Variants in XNDC1N observed in about 807,000 individuals in gnomAD.
The protein encoded by XNDC1N is protein XNDC1N.
At chr11:71,909,812 G>A in the XNDC1N span, among the ~76,000 whole-genome samples, 2 of 152,190 alleles carry the variant, frequency 1.3e-5, no homozygotes, top group South Asian at 4.1e-4. Flanking sequence ...TTTTTAGGAA[G>A]GGACTTGCTC....
At chr11:71,891,424 T>C in the XNDC1N span, among the ~76,000 whole-genome samples, 5 of 151,580 alleles carry the variant, frequency 3.3e-5, no homozygotes, top group Non-Finnish European at 7.4e-5. Context: ...AACAAGGTCA[T>C]GGGGATGTGT....
chr11:71,912,174 C>T, the XNDC1N span, among the ~76,000 whole-genome samples: 4 of 152,132 alleles, frequency 2.6e-5, no homozygotes, highest in African/African-American at 9.7e-5. Context: ...CAGCATGATG[C>T]GAGGCAAGGT....
the XNDC1N span, among the ~76,000 whole-genome samples, chr11:71,899,395 C>T: frequency 6.6e-6 from 1 of 151,608 alleles, no homozygotes; most frequent in Non-Finnish European, 1.5e-5. Flanking sequence ...AGATCAGACT[C>T]TTACTGTGTC....
At chr11:71,876,560 T>C in the XNDC1N span, among the ~76,000 whole-genome samples, 1 of 152,176 alleles carries the variant, frequency 6.6e-6, no homozygotes, top group Admixed American at 6.5e-5. Context: ...ATCTCTTAGG[T>C]TGGTGCAAAC....
chr11:71,908,574 G>C, the XNDC1N span, among the ~76,000 whole-genome samples: 1 of 152,102 alleles, frequency 6.6e-6, no homozygotes, highest in African/African-American at 2.4e-5. Context: ...GGTTAGATGA[G>C]GATGGTCACG....
the XNDC1N span, among the ~76,000 whole-genome samples, chr11:71,897,961 T>C: frequency 6.6e-6 from 1 of 152,158 alleles, no homozygotes; most frequent in African/African-American, 2.4e-5. Flanking sequence ...GGTGGGCGGA[T>C]CACCTGAGGT....
chr11:71,909,364 G>C, the XNDC1N span, among the ~76,000 whole-genome samples: 1 of 151,940 alleles, frequency 6.6e-6, no homozygotes, highest in Non-Finnish European at 1.5e-5. Context: ...CCCTGGGAAA[G>C]AAACTCAGCT....
the XNDC1N span, among the ~76,000 whole-genome samples, chr11:71,922,796 T>C: frequency 6.6e-6 from 1 of 151,910 alleles, no homozygotes; most frequent in Admixed American, 6.6e-5. Context: ...TAGGAGTAAA[T>C]AGAGCAGTGA....
the XNDC1N span, among the ~76,000 whole-genome samples, chr11:71,890,442 T>C: frequency 1.3e-5 from 2 of 151,970 alleles, no homozygotes; most frequent in Non-Finnish European, 1.5e-5. Flanking sequence ...TTAGGGACAA[T>C]ATCTCAGGGA....
chr11:71,882,222 A>T, the XNDC1N span, among the ~76,000 whole-genome samples: 1 of 152,124 alleles, frequency 6.6e-6, no homozygotes, highest in Non-Finnish European at 1.5e-5. Flanking sequence ...TTAAAAAAAA[A>T]AAAAGAACAC....
At chr11:71,927,294 G>T in the XNDC1N span, among the ~76,000 whole-genome samples, 1 of 152,174 alleles carries the variant, frequency 6.6e-6, no homozygotes, top group Admixed American at 6.5e-5. Flanking sequence ...AGCACTTTGG[G>T]AGGCCGAGGC....
the XNDC1N span, among the ~76,000 whole-genome samples, chr11:71,869,188 C>T: frequency 4.6e-5 from 7 of 152,048 alleles, no homozygotes; most frequent in Non-Finnish European, 7.4e-5. Context: ...TCTCCTAATG[C>T]TATCCCTCCC....
At chr11:71,889,150 G>C in the XNDC1N span, among the ~76,000 whole-genome samples, 29 of 152,226 alleles carry the variant, frequency 1.9e-4, no homozygotes, top group Non-Finnish European at 3.8e-4. Flanking sequence ...CAGTGAGGGT[G>C]AGACTGTCAA....
chr11:71,895,833 A>G, the XNDC1N span, among the ~76,000 whole-genome samples: 3 of 152,258 alleles, frequency 2.0e-5, no homozygotes, highest in Non-Finnish European at 2.9e-5. Flanking sequence ...TGTGGTATAC[A>G]CACCCAATGA....
chr11:71,887,114 C>A, the XNDC1N span, among the ~76,000 whole-genome samples: 1 of 152,206 alleles, frequency 6.6e-6, no homozygotes, highest in Admixed American at 6.5e-5. Context: ...CCCATTGAGC[C>A]TCTGGTCACA....
chr11:71,918,958 AG>A, the XNDC1N span: 1 of 702,838 alleles, frequency 1.4e-6, no homozygotes. Context: ...TCTTGTCCTG[AG>A]GGCAGCCGAG....
At chr11:71,910,659 C>G in the XNDC1N span, among the ~76,000 whole-genome samples, 1 of 152,102 alleles carries the variant, frequency 6.6e-6, no homozygotes, top group African/African-American at 2.4e-5. Context: ...TCAGATCTGC[C>G]GACAGCAGGT....
At chr11:71,920,601 G>A in the XNDC1N span, among the ~76,000 whole-genome samples, 12 of 152,228 alleles carry the variant, frequency 7.9e-5, no homozygotes, top group South Asian at 4.2e-4. Flanking sequence ...CACCGTGCCC[G>A]GCCAAGATGT....
chr11:71,912,824 G>C, the XNDC1N span, among the ~76,000 whole-genome samples: 1 of 151,728 alleles, frequency 6.6e-6, no homozygotes, highest in Non-Finnish European at 1.5e-5. Context: ...ATGTCACTGG[G>C]GATGTGAACA....
Sources: allele counts gnomAD v4.1 joint callset (sites outside exome capture counted in the v4.1 genomes callset), GRCh38; gene constraint gnomAD v4.1.1; transcripts MANE v1.5; gene names NCBI Gene and HGNC (gene_info 2026-07-23, HGNC 2026-07-21).